The following CSMD1 variants were observed in gnomAD, a reference collection of about 807,000 sequenced individuals.
The protein encoded by CSMD1 is CUB and sushi domain-containing protein 1.
CSMD1 carries 213 observed loss-of-function variants against 417.5 expected under a neutral mutation model. The ratio of observed to expected loss-of-function variants is 0.51; its 90% CI spans 0.46 to 0.57. CSMD1 has a LOEUF of 0.57. CSMD1 is among the 20% of genes least tolerant of loss of function. The pLI is 0.00. For missense variants in CSMD1, 6,923 were observed against 4,529.7 expected (o/e 1.53, Z -15.17); for synonymous variants, 2,862 against 1,736.8 (o/e 1.65, Z -16.11).
chr8:3,870,893 G>A (rs1261742861), intron 5 of CSMD1, among the ~76,000 whole-genome samples: 1 of 151,800 alleles, frequency 6.6e-6, no homozygotes, highest in Admixed American at 6.6e-5. Flanking sequence ...TGTTCCGTTT[G>A]CTAGCTTTTC....
intron 23 of CSMD1, among the ~76,000 whole-genome samples, chr8:3,335,344 G>T (rs565930950): frequency 1.3e-5 from 2 of 152,294 alleles, no homozygotes; most frequent in Non-Finnish European, 2.9e-5. Context: ...AGCCAGTGGT[G>T]TGTGTCCCAA....
In CSMD1 at chr8:4,443,701, A is replaced by G. The variant is rs73660822; in HGVS notation, c.303-23636T>C. Among the ~76,000 whole-genome samples, 721 of 152,328 alleles carry G rather than the reference A, an allele frequency of 4.7e-3. 6 individuals carry two copies. The highest frequency in any genetic ancestry group is 0.016 in the African/African-American group (682 of 41,576). ...CATTCAATCCTGCAATTCCCAACAAAATTCTAGCAGCAGTTGGCTAAAGAT... is the reference window on the plus strand; with the variant it reads ...CATTCAATCCTGCAATTCCCAACAAGATTCTAGCAGCAGTTGGCTAAAGAT... On this transcript the variant is annotated intron_variant, in intron 2 of 69. Coordinates refer to ENST00000635120, the MANE Select transcript of CSMD1 (RefSeq NM_033225.6).
chr8:3,099,067 C>A (rs1030558436), intron 46 of CSMD1, among the ~76,000 whole-genome samples: 3 of 151,876 alleles, frequency 2.0e-5, no homozygotes, highest in African/African-American at 7.3e-5. Flanking sequence ...CCCCTTAATG[C>A]CCTGCAACTC....
At chr8:3,470,618 G>A (rs1451645782) in intron 11 of CSMD1, among the ~76,000 whole-genome samples, 1 of 152,078 alleles carries the variant, frequency 6.6e-6, no homozygotes, top group East Asian at 1.9e-4. Flanking sequence ...ATGCAGGGCA[G>A]CTCCATTCCT....
At chr8:4,170,319 G>A (rs752391988) in intron 3 of CSMD1, among the ~76,000 whole-genome samples, 5 of 151,870 alleles carry the variant, frequency 3.3e-5, no homozygotes, top group Non-Finnish European at 7.3e-5. Flanking sequence ...GATATAAAAA[G>A]TAACAAATTC....
At position 2,973,227 on chromosome 8, in the gene CSMD1, G is replaced by C. The variant is rs769571935; in HGVS notation, c.8813C>G (p.Thr2938Arg). Residue 2938 changes from threonine (T) to arginine (R), a missense_variant, in exon 57 of 70, where the codon ACA (threonine) becomes AGA (arginine). Thr to Arg is a moderately conservative substitution (Grantham distance 71). Coordinates refer to ENST00000635120, the MANE Select transcript of CSMD1 (RefSeq NM_033225.6). ...ACAGGAGAAGCGGAGAAGACTCTTT[G>C]TCTTAAAGTCATCACCAAGCCGAGA... ...HGSRLGDDFK[T>R]KSLLRFSCEM... is the part of the protein sequence containing the mutation. 1.2e-6 allele frequency: 2 copies of C among 1,613,896 alleles called. No homozygotes were observed. Among genetic ancestry groups the C allele is most frequent in the Non-Finnish European group, 1.7e-6 (2 of 1,179,854 alleles).
At chr8:3,782,530 A>G (rs565552331) in intron 5 of CSMD1, among the ~76,000 whole-genome samples, 1 of 152,350 alleles carries the variant, frequency 6.6e-6, no homozygotes, top group Admixed American at 6.5e-5. Flanking sequence ...TAGCATGAGG[A>G]GAAATACCTA....
chr8:3,565,982 T>A (rs1331590523), intron 10 of CSMD1, among the ~76,000 whole-genome samples: 1 of 152,316 alleles, frequency 6.6e-6, no homozygotes, highest in East Asian at 1.9e-4. Flanking sequence ...ATTCCTTTCA[T>A]CAATATAATA....
chr8:4,070,378 G>A (rs991827968), intron 3 of CSMD1, among the ~76,000 whole-genome samples: 1 of 152,042 alleles, frequency 6.6e-6, no homozygotes, highest in Non-Finnish European at 1.5e-5. Flanking sequence ...AATGTTTTGA[G>A]ACAGAGTCTC....
chr8:3,503,752 C>A (rs1361213531), intron 10 of CSMD1, among the ~76,000 whole-genome samples: 1 of 152,188 alleles, frequency 6.6e-6, no homozygotes. Flanking sequence ...TTTTCCCTGT[C>A]TCAGCCCACC....
chr8:3,840,649 A>T (rs984458801), intron 5 of CSMD1, among the ~76,000 whole-genome samples: 2 of 151,712 alleles, frequency 1.3e-5, no homozygotes, highest in African/African-American at 4.8e-5. Context: ...GCTAGTGTAT[A>T]GGATATTGAG....
At chr8:3,954,132 G>C (rs965539752) in intron 5 of CSMD1, among the ~76,000 whole-genome samples, 1 of 152,178 alleles carries the variant, frequency 6.6e-6, no homozygotes, top group East Asian at 1.9e-4. Flanking sequence ...CCAGTTTCCC[G>C]AGGGGAATCA....
intron 49 of CSMD1, among the ~76,000 whole-genome samples, chr8:3,053,239 C>T (rs188087664): frequency 2.0e-5 from 3 of 152,228 alleles, no homozygotes; most frequent in Admixed American, 6.5e-5. Flanking sequence ...GCAGCTTAGC[C>T]GCAGTCTGAC....
At chr8:3,365,668 T>C (rs1362511273) in intron 20 of CSMD1, among the ~76,000 whole-genome samples, 1 of 152,222 alleles carries the variant, frequency 6.6e-6, no homozygotes, top group Non-Finnish European at 1.5e-5. Flanking sequence ...GATACTAGTT[T>C]ATTTATGTGT....
intron 6 of CSMD1, among the ~76,000 whole-genome samples, chr8:3,709,795 C>A (rs1271563648): frequency 4.2e-5 from 6 of 143,274 alleles, no homozygotes; most frequent in Non-Finnish European, 7.5e-5. Context: ...GGTCTTCGGT[C>A]TTGTCAGCTT....
intron 7 of CSMD1, among the ~76,000 whole-genome samples, chr8:3,635,189 A>T (rs4364651): frequency 0.44 from 66,413 of 151,878 alleles, 14,618 homozygotes; most frequent in Middle Eastern, 0.61. Flanking sequence ...CTGTAGAAAC[A>T]CTGTAGCCAG....
intron 23 of CSMD1, among the ~76,000 whole-genome samples, chr8:3,326,599 C>T (rs539390208): frequency 5.3e-5 from 8 of 152,308 alleles, no homozygotes; most frequent in East Asian, 3.9e-4. Flanking sequence ...AACTTTCTAA[C>T]GTAAACCAGG....
chr8:3,033,022 G>A (rs1310084884), intron 50 of CSMD1, among the ~76,000 whole-genome samples: 2 of 151,926 alleles, frequency 1.3e-5, no homozygotes, highest in Admixed American at 1.3e-4. Flanking sequence ...TGACACTTCT[G>A]AATATTCATT....
chr8:3,397,099 G>A (rs1181273666), intron 16 of CSMD1, among the ~76,000 whole-genome samples: 4 of 152,068 alleles, frequency 2.6e-5, no homozygotes, highest in African/African-American at 4.8e-5. Context: ...GCTCCCCTGT[G>A]ATGCAATGTA....
Sources: gnomAD v4.1 joint callset for allele counts (sites outside exome capture counted in the v4.1 genomes callset) on GRCh38, gnomAD v4.1.1 for gene constraint, MANE v1.5 for transcripts, NCBI Gene and HGNC (gene_info 2026-07-23, HGNC 2026-07-21) for gene names.